Variants in MEGF10 observed in about 807,000 individuals in gnomAD.
The protein encoded by MEGF10 is multiple EGF like domains 10, also known as multiple epidermal growth factor-like domains protein 10.
In MEGF10, 86 loss-of-function variants were observed where a neutral mutation model predicts 147.5. The observed-to-expected ratio is 0.58, with a 90% confidence interval of 0.49 to 0.70. The LOEUF is 0.70. MEGF10 is among the 30% of genes least tolerant of loss of function. The pLI is 0.00. For synonymous variants in MEGF10, 478 were observed against 525.5 expected, an observed-to-expected ratio of 0.91 and a Z score of 1.24; for missense variants, 1,329 against 1,487.3, an observed-to-expected ratio of 0.89 and a Z score of 1.75.
In MEGF10 at chr5:127,438,336, C is replaced by T. The variant is rs76148405; in HGVS notation, c.2105-103C>T. 0.022 allele frequency: 28,924 copies of T among 1,335,658 alleles called. 529 individuals carry two copies. The highest frequency in any genetic ancestry group is 0.066 in the South Asian group (4,963 of 74,836). The allele number at this position is 1,335,658 out of a possible 1,614,324, so 82.7% of individuals were successfully genotyped here. A position where few individuals can be genotyped will look rare whatever the true frequency, so the allele number is the denominator to read the frequency against. ...GCTTTCTTAGTCCTGATGTACACTGCTAACCTCTCACATGCAGGGAGATGT... is the reference window on the plus strand; with the variant it reads ...GCTTTCTTAGTCCTGATGTACACTGTTAACCTCTCACATGCAGGGAGATGT... On this transcript the variant is annotated intron_variant, in intron 16 of 24. Transcript: ENST00000503335.
chr5:127,257,307 TAAA>T, the MEGF10 span, among the ~76,000 whole-genome samples: 16 of 130,424 alleles, frequency 1.2e-4, no homozygotes, highest in African/African-American at 1.1e-4. Context: ...TTCTTTTTAT[TAAA>T]AAAAAAAAAA....
intron 2 of MEGF10, among the ~76,000 whole-genome samples, chr5:127,338,861 A>G (rs1761566228): frequency 6.6e-6 from 1 of 152,112 alleles, no homozygotes; most frequent in South Asian, 2.1e-4. Flanking sequence ...TGGGAATATT[A>G]GGGTTTATAG....
the MEGF10 span, among the ~76,000 whole-genome samples, chr5:127,244,840 AC>A: frequency 2.0e-5 from 3 of 152,322 alleles, no homozygotes. Flanking sequence ...TTTTAAAAAA[AC>A]AAAAAACAAA....
chr5:127,304,446 T>C (rs1739823204), intron 1 of MEGF10, among the ~76,000 whole-genome samples: 1 of 152,206 alleles, frequency 6.6e-6, no homozygotes, highest in African/African-American at 2.4e-5. Context: ...TGAGCTGGGA[T>C]GAAATAGCCA....
intron 4 of MEGF10, among the ~76,000 whole-genome samples, chr5:127,342,973 AC>A (rs1761740094): frequency 6.7e-6 from 1 of 149,326 alleles, no homozygotes; most frequent in South Asian, 2.2e-4. Flanking sequence ...GCTTCCCCAC[AC>A]CCCCACCCCG....
intron 5 of MEGF10, 86 bp from the exon 6 acceptor site, chr5:127,396,446 G>A: frequency 1.4e-6 from 2 of 1,434,394 alleles, no homozygotes; most frequent in Non-Finnish European, 1.9e-6. Flanking sequence ...GGCCATGAGA[G>A]GTCACCAAGC....
chr5:127,346,800 G>T (rs1204033760), intron 4 of MEGF10, among the ~76,000 whole-genome samples: 1 of 152,062 alleles, frequency 6.6e-6, no homozygotes, highest in Non-Finnish European at 1.5e-5. Context: ...TTAAGTACAG[G>T]TTGAGTATCC....
intron 1 of MEGF10, among the ~76,000 whole-genome samples, chr5:127,311,046 AC>A (rs1760265583): frequency 6.6e-6 from 1 of 152,220 alleles, no homozygotes; most frequent in African/African-American, 2.4e-5. Context: ...AAGTATATAG[AC>A]AGTGACTTTT....
chr5:127,350,414 G>T (rs995558657), intron 4 of MEGF10, among the ~76,000 whole-genome samples: 5 of 152,018 alleles, frequency 3.3e-5, no homozygotes, highest in Non-Finnish European at 2.9e-5. Context: ...CCTCCCAATT[G>T]CTGTGCCTGT....
rs747272849 is a variant in MEGF10 at position 127,433,322 on chromosome 5, A to G, written c.1694-41A>G. On this transcript the variant is annotated intron_variant, in intron 13 of 24. Transcript: ENST00000503335. Reference sequence around the variant, plus strand: ...GAATTAGCATCTGCGGAAACTCCGCACTGCCTCTCACTCAGCCTTGCCCCA... The same window carrying G: ...GAATTAGCATCTGCGGAAACTCCGCGCTGCCTCTCACTCAGCCTTGCCCCA... 7 of 1,613,876 alleles carry G rather than the reference A, an allele frequency of 4.3e-6. No homozygotes were observed. In the South Asian group the frequency reaches 7.7e-5, roughly 18 times the overall value.
the MEGF10 span, among the ~76,000 whole-genome samples, chr5:127,253,926 G>GA: frequency 1.3e-5 from 2 of 151,882 alleles, no homozygotes; most frequent in South Asian, 4.1e-4. Context: ...AGAAAAAATT[G>GA]AAAAATAGTT....
intron 2 of MEGF10, among the ~76,000 whole-genome samples, chr5:127,338,522 G>A (rs191405120): frequency 2.6e-5 from 4 of 152,096 alleles, no homozygotes; most frequent in South Asian, 2.1e-4. Flanking sequence ...ATTATTTTAG[G>A]CTAATTGTCT....
chr5:127,286,588 A>G (rs1193329871), upstream of MEGF10, among the ~76,000 whole-genome samples: 1 of 151,970 alleles, frequency 6.6e-6, no homozygotes, highest in Non-Finnish European at 1.5e-5. Context: ...TAATTATTAG[A>G]GAGGAGTTTA....
At chr5:127,317,840 T>A (rs1225665089) in intron 1 of MEGF10, among the ~76,000 whole-genome samples, 1 of 152,104 alleles carries the variant, frequency 6.6e-6, no homozygotes, top group Admixed American at 6.6e-5. Flanking sequence ...ACATGGTACA[T>A]GTATACATAT....
intron 17 of MEGF10, among the ~76,000 whole-genome samples, chr5:127,439,073 G>A (rs1765658233): frequency 6.6e-6 from 1 of 152,204 alleles, no homozygotes; most frequent in Non-Finnish European, 1.5e-5. Context: ...GTCTGGGCTG[G>A]CACCTGAGAA....
chr5:127,435,155 C>T (rs112952315), intron 15 of MEGF10, among the ~76,000 whole-genome samples: 2 of 152,100 alleles, frequency 1.3e-5, no homozygotes, highest in Admixed American at 6.5e-5. Context: ...AATGATGTCC[C>T]CTGGTTTGTG....
At chr5:127,309,996 TCCTTCCTTC>T (rs1157627763) in intron 1 of MEGF10, among the ~76,000 whole-genome samples, 3 of 64,870 alleles carry the variant, frequency 4.6e-5, no homozygotes, top group South Asian at 4.3e-4. Context: ...TTTCTTTCTT[TCCTTCCTTC>T]CTTCCTTTCT....
chr5:127,268,985 A>C, the MEGF10 span, among the ~76,000 whole-genome samples: 1 of 152,226 alleles, frequency 6.6e-6, no homozygotes, highest in African/African-American at 2.4e-5. Context: ...CAGGGTCTGG[A>C]GTGGCCCTCC....
the MEGF10 span, among the ~76,000 whole-genome samples, chr5:127,268,474 G>A: frequency 2.0e-5 from 3 of 151,968 alleles, no homozygotes; most frequent in Non-Finnish European, 2.9e-5. Flanking sequence ...GGATATCCTT[G>A]TTAACTTTCT....
Sources: gnomAD v4.1 joint callset for allele counts (sites outside exome capture counted in the v4.1 genomes callset) on GRCh38, gnomAD v4.1.1 for gene constraint, MANE v1.5 for transcripts, NCBI Gene and HGNC (gene_info 2026-07-23, HGNC 2026-07-21) for gene names.